Variants in CHCHD3 observed in about 807,000 individuals in gnomAD.
The protein encoded by CHCHD3 is MICOS complex subunit MIC19.
Under a neutral mutation model 38.2 loss-of-function variants are expected in CHCHD3, and 20 were observed. The observed-to-expected ratio is 0.52, with a 90% CI of 0.37 to 0.76. CHCHD3 has a LOEUF of 0.76. CHCHD3 is among the 30% of genes least tolerant of loss of function. CHCHD3 has a pLI of 0.00. For synonymous variants in CHCHD3, 82 were observed against 100.0 expected (o/e 0.82, Z 1.07); for missense variants, 245 against 279.2 (o/e 0.88, Z 0.87).
chr7:132,965,022 C>A (rs1256917955), intron 4 of CHCHD3, among the ~76,000 whole-genome samples: 1 of 151,200 alleles, frequency 6.6e-6, no homozygotes, highest in Non-Finnish European at 1.5e-5. Flanking sequence ...CGGCTGCCTG[C>A]CTCTATGCTA....
chr7:132,900,822 C>T (rs1046986266), intron 4 of CHCHD3, among the ~76,000 whole-genome samples: 16 of 152,190 alleles, frequency 1.1e-4, no homozygotes, highest in African/African-American at 3.6e-4. Flanking sequence ...GAAACCCCGT[C>T]TCTACTAAAA....
intron 1 of CHCHD3, among the ~76,000 whole-genome samples, chr7:133,075,537 C>T (rs1447955713): frequency 3.3e-5 from 5 of 151,684 alleles, no homozygotes; most frequent in South Asian, 2.1e-4. Context: ...TTAATGCTCT[C>T]TGAGCTGACC....
intron 5 of CHCHD3, among the ~76,000 whole-genome samples, chr7:132,852,549 C>G (rs10233525): frequency 6.6e-6 from 1 of 152,126 alleles, no homozygotes; most frequent in Admixed American, 6.5e-5. Context: ...TTTAAAGATT[C>G]TCATAAAGAA....
At chr7:132,836,806 G>A (rs1019232292) in intron 6 of CHCHD3, among the ~76,000 whole-genome samples, 1 of 152,070 alleles carries the variant, frequency 6.6e-6, no homozygotes, top group African/African-American at 2.4e-5. Flanking sequence ...TATTTTTCAT[G>A]TCTCCAACTA....
chr7:133,014,979 C>T (rs1001146663), intron 3 of CHCHD3, among the ~76,000 whole-genome samples: 7 of 152,146 alleles, frequency 4.6e-5, no homozygotes, highest in Non-Finnish European at 7.3e-5. Context: ...CTTAAGCTAA[C>T]GAGAACTGAA....
intron 4 of CHCHD3, among the ~76,000 whole-genome samples, chr7:132,936,154 T>C (rs1362571635): frequency 6.6e-6 from 1 of 152,178 alleles, no homozygotes; most frequent in Non-Finnish European, 1.5e-5. Context: ...TTTAAGAACG[T>C]ACGTGGAGTT....
chr7:133,022,448 A>G (rs1009998244), intron 3 of CHCHD3: 7 of 456,596 alleles, frequency 1.5e-5, no homozygotes, highest in Non-Finnish European at 3.1e-5. Context: ...GTTGCTGCTA[A>G]AAGACTGCAC....
chr7:132,878,045 G>C (rs1032937199), intron 5 of CHCHD3, among the ~76,000 whole-genome samples: 3 of 151,502 alleles, frequency 2.0e-5, no homozygotes, highest in Admixed American at 6.6e-5. Flanking sequence ...CATAAACCAA[G>C]TTTAAGTTAT....
intron 6 of CHCHD3, among the ~76,000 whole-genome samples, chr7:132,804,005 T>G (rs1186526480): frequency 6.6e-6 from 1 of 151,830 alleles, no homozygotes; most frequent in Non-Finnish European, 1.5e-5. Context: ...TGGTACTGCC[T>G]TTATCACCCA....
rs1362627463 is a variant in CHCHD3 at position 133,052,705 on chromosome 7, A to G, written c.169+17437T>C. 2.6e-5 allele frequency among the ~76,000 whole-genome samples: 4 copies of G among 152,224 alleles called. No homozygotes were observed. The East Asian group carries it at 7.7e-4, about 29-fold the overall frequency. ...TGTTTGCTTGTAATCAAAACTGCAT[A>G]GAGACAATAACTGAACTCAGATGTT... On this transcript the variant is annotated intron_variant, in intron 2 of 7. Transcript: ENST00000262570.
intron 3 of CHCHD3, among the ~76,000 whole-genome samples, chr7:132,997,260 T>C (rs375663450): frequency 1.3e-5 from 2 of 152,200 alleles, no homozygotes; most frequent in South Asian, 4.1e-4. Context: ...TAGTTTTTGA[T>C]CCACATATCA....
intron 3 of CHCHD3, among the ~76,000 whole-genome samples, chr7:132,990,776 T>C (rs1812257390): frequency 6.6e-6 from 1 of 152,178 alleles, no homozygotes; most frequent in South Asian, 2.1e-4. Flanking sequence ...GACATTACCA[T>C]TGTAAGCCCT....
At chr7:132,867,131 C>T (rs989139442) in intron 5 of CHCHD3, among the ~76,000 whole-genome samples, 3 of 152,200 alleles carry the variant, frequency 2.0e-5, no homozygotes, top group Non-Finnish European at 4.4e-5. Flanking sequence ...ATTGTCAGCT[C>T]TACAGAACCA....
At chr7:133,037,728 G>T (rs1813718410) in intron 2 of CHCHD3, among the ~76,000 whole-genome samples, 1 of 152,156 alleles carries the variant, frequency 6.6e-6, no homozygotes, top group Non-Finnish European at 1.5e-5. Flanking sequence ...CAGGAGAATT[G>T]CTCAAACCCG....
At chr7:133,029,221 T>C (rs10215634) in intron 2 of CHCHD3, among the ~76,000 whole-genome samples, 6,214 of 152,296 alleles carry the variant, frequency 0.041, 366 homozygotes, top group African/African-American at 0.13. Context: ...TGATTTGATA[T>C]GAATCATGTA....
intron 1 of CHCHD3, among the ~76,000 whole-genome samples, chr7:133,072,638 G>A (rs967954088): frequency 1.3e-5 from 2 of 152,032 alleles, no homozygotes; most frequent in South Asian, 2.1e-4. Flanking sequence ...AGGAGATCGA[G>A]ACCATCCTGG....
chr7:132,994,529 GA>G (rs1328952510), intron 3 of CHCHD3, among the ~76,000 whole-genome samples: 1 of 152,150 alleles, frequency 6.6e-6, no homozygotes, highest in Non-Finnish European at 1.5e-5. Context: ...GGAGTCTAAT[GA>G]AGTTATATGA....
At chr7:132,795,239 T>C (rs1806576960) in intron 7 of CHCHD3, among the ~76,000 whole-genome samples, 1 of 152,222 alleles carries the variant, frequency 6.6e-6, no homozygotes, top group South Asian at 2.1e-4. Flanking sequence ...CCTACGAGTC[T>C]CAAGTCCTTC....
At chr7:132,973,973 G>A (rs890879008) in intron 4 of CHCHD3, 1 of 1,287,062 alleles carries the variant, frequency 7.8e-7, no homozygotes, top group African/African-American at 1.5e-5. Context: ...GGCCGAAGTG[G>A]AGGCTAAGCA....
Sources: gnomAD v4.1 joint callset for allele counts (sites outside exome capture counted in the v4.1 genomes callset) on GRCh38, gnomAD v4.1.1 for gene constraint, MANE v1.5 for transcripts, NCBI Gene and HGNC (gene_info 2026-07-23, HGNC 2026-07-21) for gene names.